SSPN: variants seen among roughly 807,000 people sequenced by gnomAD.
SSPN encodes sarcospan.
A neutral mutation model predicts 19.1 loss-of-function variants in SSPN; 15 were observed. That is an observed-to-expected ratio of 0.78 (90% CI 0.52 to 1.21). SSPN has a LOEUF of 1.21. Ranked by LOEUF, SSPN falls within the 50% of genes most tolerant of loss-of-function variation. SSPN has a pLI of 0.00. For missense variants in SSPN, 291 were observed against 314.0 expected, an observed-to-expected ratio of 0.93 and a Z score of 0.55; for synonymous variants, 147 against 140.3, an observed-to-expected ratio of 1.05 and a Z score of -0.34.
At chr12:26,186,119 G>A (rs80056048) in intron 1 of SSPN, among the ~76,000 whole-genome samples, 8,617 of 152,152 alleles carry the variant, frequency 0.057, 341 homozygotes, top group South Asian at 0.12. Flanking sequence ...GGCAAGTGTT[G>A]AGCTTAGCTT....
At chr12:26,205,826 A>G (rs1944926339) in intron 1 of SSPN, among the ~76,000 whole-genome samples, 1 of 152,228 alleles carries the variant, frequency 6.6e-6, no homozygotes, top group African/African-American at 2.4e-5. Context: ...TTACATGTTC[A>G]ATAAGTTTAT....
At chr12:26,188,543 TA>T (rs1272664237) in intron 1 of SSPN, among the ~76,000 whole-genome samples, 2 of 152,236 alleles carry the variant, frequency 1.3e-5, no homozygotes, top group African/African-American at 4.8e-5. Flanking sequence ...AACCTAATTA[TA>T]ATTCATCCCT....
At chr12:26,131,308 T>TTTA (rs1944396271) in intron 1 of SSPN, among the ~76,000 whole-genome samples, 1 of 152,220 alleles carries the variant, frequency 6.6e-6, no homozygotes, top group Admixed American at 6.5e-5. Context: ...AGGGAGGAAA[T>TTTA]TTAATAGAGT....
chr12:26,201,049 T>TATATATATA (rs1944880311), intron 1 of SSPN, among the ~76,000 whole-genome samples: 1 of 31,980 alleles, frequency 3.1e-5, no homozygotes, highest in Non-Finnish European at 7.0e-5. Context: ...ATATATATTA[T>TATATATATA]ATATATATAT....
intron 1 of SSPN, among the ~76,000 whole-genome samples, chr12:26,127,695 TTGCCATTTCTC>T (rs1480747708): frequency 6.6e-6 from 1 of 152,232 alleles, no homozygotes; most frequent in African/African-American, 2.4e-5. Flanking sequence ...ATGCCAGCTT[TTGCCATTTCTC>T]TGTAGTTCTG....
At chr12:26,186,221 C>T (rs1013253708) in intron 1 of SSPN, among the ~76,000 whole-genome samples, 9 of 151,372 alleles carry the variant, frequency 5.9e-5, no homozygotes, top group African/African-American at 2.2e-4. Context: ...AAAACAACAA[C>T]CATTTTAAGT....
intron 1 of SSPN, among the ~76,000 whole-genome samples, chr12:26,170,430 T>C (rs184822888): frequency 2.0e-5 from 3 of 152,352 alleles, no homozygotes; most frequent in Non-Finnish European, 4.4e-5. Flanking sequence ...ATAGAACATC[T>C]TCCTCCAATG....
In SSPN at chr12:26,218,489, T is replaced by C. The variant is rs901638342; in HGVS notation, c.280-5804T>C. Among the ~76,000 whole-genome samples the C allele has an allele frequency of 2.9e-5, 4 of 139,448 alleles. No individual in the cohort carries two copies. In the South Asian group the frequency reaches 9.3e-4, roughly 32 times the overall value. The allele number at this position is 139,448 out of a possible 152,430, so 91.5% of individuals were successfully genotyped here. On this transcript the variant is annotated intron_variant, in intron 1 of 2. Transcript: ENST00000242729. ...TGTACCCTAAAACTTAAAGTATAAT[T>C]AAAAAAAAAAAAGAAATGCAAATTG...
At chr12:26,137,068 TTA>T (rs1944429694) in intron 1 of SSPN, among the ~76,000 whole-genome samples, 1 of 152,246 alleles carries the variant, frequency 6.6e-6, no homozygotes. Flanking sequence ...TTTATGGCAG[TTA>T]CTCTGTGCCA....
chr12:26,173,860 A>G (rs1219251634), intron 1 of SSPN, among the ~76,000 whole-genome samples: 1 of 152,270 alleles, frequency 6.6e-6, no homozygotes, highest in African/African-American at 2.4e-5. Context: ...TTAAACTTAA[A>G]TAGTGTCTTC....
At chr12:26,151,708 G>T (rs534388355) in intron 1 of SSPN, among the ~76,000 whole-genome samples, 1 of 152,120 alleles carries the variant, frequency 6.6e-6, no homozygotes, top group Admixed American at 6.5e-5. Flanking sequence ...AAAGGTTACC[G>T]TGGTCCAGGA....
chr12:26,129,648 C>T (rs1042077282), intron 1 of SSPN, among the ~76,000 whole-genome samples: 2 of 152,144 alleles, frequency 1.3e-5, no homozygotes, highest in African/African-American at 2.4e-5. Context: ...CACGTGTCCC[C>T]GTTTAATTTG....
At chr12:26,143,034 C>T (rs574365583) in intron 1 of SSPN, among the ~76,000 whole-genome samples, 1 of 152,316 alleles carries the variant, frequency 6.6e-6, no homozygotes, top group East Asian at 1.9e-4. Flanking sequence ...AGATAGTAAA[C>T]TTCTTGAAAG....
chr12:26,146,353 C>T (rs1944490486), intron 1 of SSPN, among the ~76,000 whole-genome samples: 1 of 152,200 alleles, frequency 6.6e-6, no homozygotes, highest in Non-Finnish European at 1.5e-5. Context: ...CAGTCTCACC[C>T]TCGTTCTGAC....
At chr12:26,165,284 T>C (rs1049185274) in intron 1 of SSPN, among the ~76,000 whole-genome samples, 3 of 152,220 alleles carry the variant, frequency 2.0e-5, no homozygotes, top group Admixed American at 1.3e-4. Flanking sequence ...TTCCTCTTTA[T>C]AAGGAGTTCA....
chr12:26,191,296 G>A (rs1172286266), upstream of SSPN, among the ~76,000 whole-genome samples: 2 of 152,160 alleles, frequency 1.3e-5, no homozygotes, highest in Non-Finnish European at 2.9e-5. Flanking sequence ...TTAAATGATT[G>A]AAATTTATCA....
chr12:26,165,475 T>A (rs528944849), intron 1 of SSPN, among the ~76,000 whole-genome samples: 3 of 152,362 alleles, frequency 2.0e-5, no homozygotes, highest in African/African-American at 7.2e-5. Context: ...CCTGGAGCAA[T>A]TTAATCATCC....
At chr12:26,137,717 T>G (rs1415938722) in intron 1 of SSPN, among the ~76,000 whole-genome samples, 1 of 131,454 alleles carries the variant, frequency 7.6e-6, no homozygotes, top group Non-Finnish European at 1.6e-5. Context: ...TAGGCTGGAG[T>G]ACAGTGGTGC....
rs534506085 is a variant in SSPN, at chr12:26,232,081, T to C, written c.*1005T>C. On this transcript the variant is annotated 3_prime_UTR_variant, in exon 3 of 3. Coordinates refer to ENST00000242729, the MANE Select transcript of SSPN (RefSeq NM_005086.5). ...AAACAAGAGCATTTGTAATAGGAAG[T>C]GTTTATACAAACAGCACATTTGTGA... 1 of 985,416 alleles carries C rather than the reference T, an allele frequency of 1.0e-6. No individual in the cohort carries two copies. The highest frequency in any genetic ancestry group is 1.1e-4 in the East Asian group (1 of 8,816). 61.0% of individuals were successfully genotyped at this position (985,416 alleles called of 1,614,324 possible). A position where few individuals can be genotyped will look rare whatever the true frequency, so the allele number is the denominator to read the frequency against.
Sources: gnomAD v4.1 joint callset for allele counts (sites outside exome capture counted in the v4.1 genomes callset) on GRCh38, gnomAD v4.1.1 for gene constraint, MANE v1.5 for transcripts, NCBI Gene and HGNC (gene_info 2026-07-23, HGNC 2026-07-21) for gene names.